The following ADK variants were observed in gnomAD, a reference collection of about 807,000 sequenced individuals.
ADK encodes the protein N6,N6-dimethyladenosine kinase.
ADK carries 24 observed loss-of-function variants against 44.7 expected under a neutral mutation model. The ratio of observed to expected loss-of-function variants is 0.54; its 90% CI spans 0.39 to 0.76. The LOEUF is 0.76. Among genes scored for constraint, ADK ranks in the 30% least tolerant of loss-of-function variants. The pLI, the probability that ADK is intolerant of heterozygous loss-of-function variation, is 0.00. For synonymous variants in ADK, 128 were observed against 142.6 expected, an observed-to-expected ratio of 0.90 and a Z score of 0.73; for missense variants, 321 against 425.1, an observed-to-expected ratio of 0.76 and a Z score of 2.15.
intron 6 of ADK, among the ~76,000 whole-genome samples, chr10:74,451,474 G>A (rs1370079589): frequency 6.6e-6 from 1 of 152,044 alleles, no homozygotes; most frequent in Non-Finnish European, 1.5e-5. Context: ...TTATATTTTG[G>A]AAAATGCTAA....
At chr10:74,360,190 G>T (rs1175274341) in intron 4 of ADK, among the ~76,000 whole-genome samples, 1 of 152,038 alleles carries the variant, frequency 6.6e-6, no homozygotes, top group African/African-American at 2.4e-5. Context: ...TAGCTTCACT[G>T]TTTGAAGTTA....
chr10:74,563,554 CT>C (rs1169779040), intron 7 of ADK, among the ~76,000 whole-genome samples: 2 of 152,154 alleles, frequency 1.3e-5, no homozygotes, highest in African/African-American at 2.4e-5. Flanking sequence ...CCTCAAGGAA[CT>C]TTCTTAAATC....
chr10:74,403,831 T>C (rs1230789741), intron 6 of ADK, among the ~76,000 whole-genome samples: 7 of 152,154 alleles, frequency 4.6e-5, no homozygotes, highest in Admixed American at 4.6e-4. Context: ...TCACTCACGC[T>C]GGGAGCTGTA....
chr10:74,604,153 C>A (rs1852236571), intron 9 of ADK, among the ~76,000 whole-genome samples: 2 of 152,094 alleles, frequency 1.3e-5, no homozygotes, highest in African/African-American at 4.8e-5. Flanking sequence ...GATATTAGCC[C>A]TTTGTCAGAT....
At position 74,693,212 on chromosome 10, in the gene ADK, A is replaced by C. The variant is rs545698263; in HGVS notation, c.965-15109A>C. On this transcript the variant is annotated intron_variant, in intron 10 of 10. Coordinates refer to ENST00000539909, the MANE Select transcript of ADK (RefSeq NM_006721.4). The stretch of plus-strand genomic sequence containing the variant: ...TTGTAACAAATACACCCACTAACTA[A>C]TGTAACAGGTTAATCATAGGTGGAA... Among the ~76,000 whole-genome samples, 12 of 152,330 alleles carry C rather than the reference A, an allele frequency of 7.9e-5. No individual in the cohort carries two copies. In the East Asian group the frequency reaches 2.3e-3, roughly 29 times the overall value.
chr10:74,619,012 TTGTGTGTGTGTGTGTG>T (rs56168944), intron 9 of ADK, among the ~76,000 whole-genome samples: 30 of 139,382 alleles, frequency 2.2e-4, no homozygotes, highest in Non-Finnish European at 2.3e-4. Context: ...TTTATGCTCT[TTGTGTGTGTGTGTGTG>T]TGTGTGTGTG....
At chr10:74,262,313 CAA>C (rs35282438) in intron 3 of ADK, among the ~76,000 whole-genome samples, 210 of 107,610 alleles carry the variant, frequency 2.0e-3, no homozygotes, top group Non-Finnish European at 3.3e-3. Context: ...GACTTCATCT[CAA>C]AAAAAAAAAA....
intron 4 of ADK, among the ~76,000 whole-genome samples, chr10:74,376,764 TTCTC>T (rs1230886712): frequency 6.8e-6 from 1 of 147,944 alleles, no homozygotes; most frequent in Non-Finnish European, 1.5e-5. Context: ...ATTACTGCTT[TTCTC>T]TCTCTCGTCT....
At chr10:74,703,786 G>A (rs1160658488) in intron 10 of ADK, among the ~76,000 whole-genome samples, 1 of 152,174 alleles carries the variant, frequency 6.6e-6, no homozygotes, top group South Asian at 2.1e-4. Flanking sequence ...TCTCAGAAAA[G>A]ATACACTGAA....
intron 10 of ADK, among the ~76,000 whole-genome samples, chr10:74,700,338 G>T (rs905455773): frequency 6.6e-6 from 1 of 152,170 alleles, no homozygotes; most frequent in Non-Finnish European, 1.5e-5. Context: ...TGCCTCCTGG[G>T]TTCAAGCGAT....
intron 2 of ADK, among the ~76,000 whole-genome samples, chr10:74,216,258 G>A (rs1263453585): frequency 2.0e-5 from 3 of 152,122 alleles, no homozygotes; most frequent in Non-Finnish European, 4.4e-5. Flanking sequence ...CAGCCAAAAT[G>A]TGTAAATTTT....
intron 6 of ADK, among the ~76,000 whole-genome samples, chr10:74,493,858 T>C (rs1309824052): frequency 1.3e-5 from 2 of 152,162 alleles, no homozygotes; most frequent in Non-Finnish European, 2.9e-5. Context: ...AGAAGTGAGA[T>C]GATGTAACAG....
intron 6 of ADK, among the ~76,000 whole-genome samples, chr10:74,414,960 T>A (rs1844319000): frequency 6.6e-6 from 1 of 152,286 alleles, no homozygotes; most frequent in Middle Eastern, 3.4e-3. Context: ...AGAGAAGAAA[T>A]CTTTGGGAAT....
At chr10:74,528,187 A>G in intron 7 of ADK, 1 of 745,900 alleles carries the variant, frequency 1.3e-6, no homozygotes. Context: ...TTGAATATGT[A>G]TCTTTGTGTA....
intron 6 of ADK, among the ~76,000 whole-genome samples, chr10:74,418,293 A>G (rs937342317): frequency 6.6e-6 from 1 of 152,174 alleles, no homozygotes; most frequent in African/African-American, 2.4e-5. Flanking sequence ...CACAGCTTTT[A>G]GATTGTCGAT....
chr10:74,283,793 G>A (rs934568079), intron 3 of ADK, among the ~76,000 whole-genome samples: 3 of 148,996 alleles, frequency 2.0e-5, no homozygotes, highest in Non-Finnish European at 3.0e-5. Context: ...CCATTCTCCT[G>A]CCTCAGCCTC....
rs1403835486 is a variant in ADK, at chr10:74,665,769, GAGAGAGAGAGAGAC to G, written c.878-4410_878-4397del. On this transcript the variant is annotated intron_variant, in intron 9 of 10. Coordinates refer to ENST00000539909, the MANE Select transcript of ADK (RefSeq NM_006721.4). ...AGAGAGAGAGAGAGAGAGAGAGAGAGAGAGAGAGAGAGACAGACAGACAGAAGGAAAATGAAGAA... is the reference window on the plus strand; with the variant it reads ...AGAGAGAGAGAGAGAGAGAGAGAGAGAGACAGACAGAAGGAAAATGAAGAA... Among the ~76,000 whole-genome samples the G allele has an allele frequency of 1.0e-3, 148 of 147,332 alleles. 2 individuals are homozygous for G. Among genetic ancestry groups the G allele is most frequent in the African/African-American group, 3.6e-3 (140 of 38,514 alleles).
intron 7 of ADK, among the ~76,000 whole-genome samples, chr10:74,542,885 GTTATTTAT>G (rs994384171): frequency 4.8e-5 from 7 of 146,290 alleles, no homozygotes; most frequent in Admixed American, 1.4e-4. Flanking sequence ...TTTTATTTTA[GTTATTTAT>G]TTATTTATTT....
At chr10:74,558,308 C>T (rs1266845338) in intron 7 of ADK, among the ~76,000 whole-genome samples, 1 of 152,224 alleles carries the variant, frequency 6.6e-6, no homozygotes, top group Non-Finnish European at 1.5e-5. Flanking sequence ...GGCAATCCTC[C>T]TGCCTCAACC....
Sources: allele counts gnomAD v4.1 joint callset (sites outside exome capture counted in the v4.1 genomes callset), GRCh38; gene constraint gnomAD v4.1.1; transcripts MANE v1.5; gene names NCBI Gene and HGNC (gene_info 2026-07-23, HGNC 2026-07-21).